The following ZNF429 variants were observed in gnomAD, a reference collection of about 807,000 sequenced individuals.
The protein encoded by ZNF429 is zinc finger protein 429.
A neutral mutation model predicts 56.8 loss-of-function variants in ZNF429; 53 were observed. The ratio of observed to expected loss-of-function variants is 0.93; its 90% CI spans 0.75 to 1.17. The LOEUF (loss-of-function observed/expected upper bound fraction) is 1.17, where lower values mean the gene tolerates loss of function less well. Ranked by LOEUF, ZNF429 falls within the 50% of genes most tolerant of loss-of-function variation. The pLI is 0.00. For missense variants in ZNF429, 849 were observed against 788.4 expected (o/e 1.08, Z -0.92); for synonymous variants, 278 against 264.7 (o/e 1.05, Z -0.49).
chr19:21,523,217 C>T (rs2033045306), intron 1 of ZNF429, among the ~76,000 whole-genome samples: 1 of 152,172 alleles, frequency 6.6e-6, no homozygotes, highest in Admixed American at 6.5e-5. Flanking sequence ...ACTGCTACTC[C>T]ACCTATTCAG....
At chr19:21,509,193 GAC>G in intron 1 of ZNF429, among the ~76,000 whole-genome samples, 1 of 152,060 alleles carries the variant, frequency 6.6e-6, no homozygotes, top group Non-Finnish European at 1.5e-5. Context: ...TTTTAGTAGA[GAC>G]AGGGTTTCGC....
chr19:21,535,320 TTTCTTTCTC>T, intron 3 of ZNF429, among the ~76,000 whole-genome samples: 14 of 134,772 alleles, frequency 1.0e-4, no homozygotes, highest in Admixed American at 2.9e-4. Flanking sequence ...TCTTTCTTTC[TTTCTTTCTC>T]TTTTCTTTTC....
At chr19:21,527,023 C>T (rs2033195218) in intron 1 of ZNF429, among the ~76,000 whole-genome samples, 1 of 152,158 alleles carries the variant, frequency 6.6e-6, no homozygotes, top group Non-Finnish European at 1.5e-5. Flanking sequence ...TTTAAAGAGT[C>T]AGCAAAGAAT....
chr19:21,520,982 G>T (rs1459715891), intron 1 of ZNF429, among the ~76,000 whole-genome samples: 1 of 152,026 alleles, frequency 6.6e-6, no homozygotes, highest in Non-Finnish European at 1.5e-5. Flanking sequence ...TTTTACTTTT[G>T]AAATATAGTG....
chr19:21,532,337 A>G, intron 3 of ZNF429, among the ~76,000 whole-genome samples: 2 of 152,176 alleles, frequency 1.3e-5, no homozygotes, highest in Non-Finnish European at 2.9e-5. Context: ...AAAAGAAAGC[A>G]AAAGAACATC....
intron 1 of ZNF429, among the ~76,000 whole-genome samples, chr19:21,524,479 G>T (rs941717561): frequency 1.3e-5 from 2 of 151,738 alleles, no homozygotes; most frequent in African/African-American, 4.8e-5. Flanking sequence ...AGTGAGCTGA[G>T]ATCATGCCAC....
chr19:21,535,782 G>A, intron 3 of ZNF429, among the ~76,000 whole-genome samples: 173 of 152,020 alleles, frequency 1.1e-3, no homozygotes, highest in South Asian at 1.0e-2. Flanking sequence ...CAAAGTGCTG[G>A]GATTACAGGC....
At chr19:21,520,286 C>A (rs2032944613) in intron 1 of ZNF429, among the ~76,000 whole-genome samples, 1 of 152,194 alleles carries the variant, frequency 6.6e-6, no homozygotes. Flanking sequence ...TCCTAAAATT[C>A]AGATGTCCAA....
chr19:21,531,637 C>G, intron 3 of ZNF429, among the ~76,000 whole-genome samples: 1 of 152,056 alleles, frequency 6.6e-6, no homozygotes, highest in Non-Finnish European at 1.5e-5. Flanking sequence ...AACCCTGTCT[C>G]TACTAAAAAA....
chr19:21,530,558 A>G, intron 2 of ZNF429, 31 bp from the exon 3 acceptor site: 1 of 1,510,496 alleles, frequency 6.6e-7, no homozygotes, highest in Non-Finnish European at 9.1e-7. Flanking sequence ...AATATAAGCA[A>G]GATTCATCTT....
At chr19:21,524,196 A>T (rs546858923) in intron 1 of ZNF429, among the ~76,000 whole-genome samples, 1 of 152,340 alleles carries the variant, frequency 6.6e-6, no homozygotes, top group South Asian at 2.1e-4. Flanking sequence ...TCAAGGCCAC[A>T]AAGTATCCAG....
chr19:21,505,869 G>T, intron 1 of ZNF429, 95 bp downstream of exon 1: 15 of 1,402,566 alleles, frequency 1.1e-5, no homozygotes, highest in Non-Finnish European at 1.5e-5. Context: ...CCGGCAGTCA[G>T]CTCCACAATC....
rs1030990714 is a variant in ZNF429 at position 21,509,542 on chromosome 19, A to G, written c.3+3768A>G. 3.9e-5 allele frequency among the ~76,000 whole-genome samples: 6 copies of G among 152,194 alleles called. No individual in the cohort carries two copies. In the East Asian group the frequency reaches 1.2e-3, roughly 29 times the overall value. ...CTAAGGCTAATATTGAGCCTGCAAAAGAAGGTTATTTAAGATCCAGTTAGT... is the reference window on the plus strand; with the variant it reads ...CTAAGGCTAATATTGAGCCTGCAAAGGAAGGTTATTTAAGATCCAGTTAGT... On this transcript the variant is annotated intron_variant, in intron 1 of 3. Coordinates refer to ENST00000358491, the MANE Select transcript of ZNF429 (RefSeq NM_001001415.4).
At chr19:21,516,864 G>A (rs530583199) in intron 1 of ZNF429, among the ~76,000 whole-genome samples, 1 of 152,284 alleles carries the variant, frequency 6.6e-6, no homozygotes, top group South Asian at 2.1e-4. Context: ...GGGTTTTCTA[G>A]ATATAGAATC....
intron 1 of ZNF429, among the ~76,000 whole-genome samples, chr19:21,525,488 C>T (rs1361530635): frequency 6.6e-6 from 1 of 152,126 alleles, no homozygotes; most frequent in African/African-American, 2.4e-5. Flanking sequence ...TTTTGGATGC[C>T]TTATTTTGGT....
intron 1 of ZNF429, among the ~76,000 whole-genome samples, chr19:21,522,783 G>A (rs533021323): frequency 6.6e-6 from 1 of 152,192 alleles, no homozygotes; most frequent in African/African-American, 2.4e-5. Flanking sequence ...TGCAATCCCA[G>A]CTACTTGGAG....
At chr19:21,519,754 C>A (rs1238966484) in intron 1 of ZNF429, among the ~76,000 whole-genome samples, 1 of 152,178 alleles carries the variant, frequency 6.6e-6, no homozygotes, top group East Asian at 1.9e-4. Context: ...CTAATTCCCA[C>A]AACACAGTGA....
rs755330170 is a variant in ZNF429 at position 21,537,054 on chromosome 19, T to C, written c.1001T>C (p.Ile334Thr). ...RSSTLTSHKR[I>T]HTGEKPYKCE... ...TCAACCCTTACTAGCCATAAGAGAA[T>C]ACATACTGGTGAGAAACCCTACAAA... Residue 334 changes from isoleucine to threonine, a missense_variant, in exon 4 of 4, where the codon ATA (isoleucine) becomes ACA (threonine). Transcript: ENST00000358491. 6.2e-7 allele frequency: 1 copy of C among 1,614,036 alleles called. No homozygotes were observed. Among genetic ancestry groups the C allele is most frequent in the South Asian group, 1.1e-5 (1 of 91,078 alleles).
At position 21,539,058 on chromosome 19, in the gene ZNF429, CT is replaced by C. The variant is rs527305081; in HGVS notation, c.*988del. Among the ~76,000 whole-genome samples the C allele has an allele frequency of 5.9e-5, 9 of 152,020 alleles. No homozygotes were observed. In the South Asian group the frequency reaches 6.2e-4, roughly 11 times the overall value. On this transcript the variant is annotated 3_prime_UTR_variant, in exon 4 of 4. Coordinates refer to ENST00000358491, the MANE Select transcript of ZNF429 (RefSeq NM_001001415.4). ...AGCAAGTGTAATAAATTTGGAAAAA[CT>C]TTTTTTTCCCCAAAAACTATACCTC...
Sources: gnomAD v4.1 joint callset for allele counts (sites outside exome capture counted in the v4.1 genomes callset) on GRCh38, gnomAD v4.1.1 for gene constraint, MANE v1.5 for transcripts, NCBI Gene and HGNC (gene_info 2026-07-23, HGNC 2026-07-21) for gene names.